Variants in AP1G1 observed in about 807,000 individuals in gnomAD.
The protein encoded by AP1G1 is AP-1 complex subunit gamma-1.
AP1G1 carries 7 observed loss-of-function variants against 108.3 expected under a neutral mutation model. That is an observed-to-expected ratio of 0.06 (90% CI 0.04 to 0.12). The LOEUF (loss-of-function observed/expected upper bound fraction) is 0.12, where lower values mean the gene tolerates loss of function less well. Among genes scored for constraint, AP1G1 ranks in the 10% least tolerant of loss-of-function variants. The pLI, the probability that AP1G1 is intolerant of heterozygous loss-of-function variation, is 1.00. For synonymous variants in AP1G1, 379 were observed against 353.5 expected (o/e 1.07, Z -0.81); for missense variants, 756 against 1,010.7 (o/e 0.75, Z 3.42).
chr16:71,748,793 C>T (rs543255570), intron 15 of AP1G1, among the ~76,000 whole-genome samples: 3 of 152,242 alleles, frequency 2.0e-5, no homozygotes, highest in Non-Finnish European at 2.9e-5. Flanking sequence ...GTTTACCAGC[C>T]AGAGGGTAAG....
At chr16:71,761,244 T>C (rs908371441) in intron 10 of AP1G1, among the ~76,000 whole-genome samples, 1 of 152,240 alleles carries the variant, frequency 6.6e-6, no homozygotes, top group East Asian at 1.9e-4. Flanking sequence ...AAAGACTCCA[T>C]GGCCCACAAA....
At chr16:71,773,145 C>G in intron 4 of AP1G1, 76 bp downstream of exon 4, 2 of 1,527,954 alleles carry the variant, frequency 1.3e-6, no homozygotes, top group Admixed American at 3.5e-5. Context: ...TCAGATCTTT[C>G]AAAAATGAGT....
intron 2 of AP1G1, among the ~76,000 whole-genome samples, chr16:71,781,055 C>A (rs1344023475): frequency 6.6e-6 from 1 of 152,120 alleles, no homozygotes; most frequent in Admixed American, 6.6e-5. Flanking sequence ...TGTCCTCAAA[C>A]GATCCTTCTG....
chr16:71,736,548 TTTA>T (rs1202802418), intron 21 of AP1G1, among the ~76,000 whole-genome samples: 13 of 125,368 alleles, frequency 1.0e-4, no homozygotes, highest in Admixed American at 8.4e-4. Context: ...GCCCGGCTAA[TTTA>T]TTATTTATTT....
intron 9 of AP1G1, among the ~76,000 whole-genome samples, chr16:71,763,560 A>C (rs902397628): frequency 3.3e-5 from 5 of 152,334 alleles, no homozygotes; most frequent in Middle Eastern, 6.8e-3. Flanking sequence ...ACTTATCTCT[A>C]TGCATGAATT....
rs113475700 is a variant in AP1G1, at chr16:71,767,081, C to A, written c.643-1497G>T. Among the ~76,000 whole-genome samples the A allele has an allele frequency of 3.5e-3, 526 of 152,122 alleles. 8 individuals are homozygous for A. The highest frequency in any genetic ancestry group is 0.012 in the African/African-American group (497 of 41,522). ...CTGTTTTTTTTGTACTAGATATAAC[C>A]CTAGTTATTTTTTATCTGGTTTATT... is the stretch of plus-strand genomic sequence containing the variant. On this transcript the variant is annotated intron_variant, in intron 6 of 22. Coordinates refer to ENST00000299980, the MANE Select transcript of AP1G1 (RefSeq NM_001128.6).
At chr16:71,748,212 C>T (rs780868740) in intron 16 of AP1G1, 39 bp downstream of exon 16, 7 of 1,579,170 alleles carry the variant, frequency 4.4e-6, no homozygotes, top group Non-Finnish European at 6.0e-6. Context: ...TTTTTAATTA[C>T]AAAACAACCT....
chr16:71,750,821 T>C (rs1165796587), intron 13 of AP1G1, among the ~76,000 whole-genome samples: 1 of 152,174 alleles, frequency 6.6e-6, no homozygotes, highest in Non-Finnish European at 1.5e-5. Context: ...CTTATTTAAA[T>C]ATGTTACATT....
chr16:71,736,119 T>A (rs796989779), intron 21 of AP1G1, among the ~76,000 whole-genome samples: 7,410 of 53,382 alleles, frequency 0.14, 597 homozygotes, highest in East Asian at 0.26. Context: ...AAAAAAAAAA[T>A]ATATATATAT....
At chr16:71,775,084 T>C (rs992657825) in intron 2 of AP1G1, among the ~76,000 whole-genome samples, 1 of 130,076 alleles carries the variant, frequency 7.7e-6, no homozygotes, top group Non-Finnish European at 1.6e-5. Flanking sequence ...TAGAGTGCAA[T>C]GGCGCGATCC....
intron 16 of AP1G1, chr16:71,747,060 A>G (rs1346362831): frequency 6.5e-6 from 1 of 154,620 alleles, no homozygotes; most frequent in Non-Finnish European, 1.4e-5. Flanking sequence ...GATAATTTTT[A>G]AATAATTTTT....
chr16:71,790,101 A>T (rs199942933), intron 1 of AP1G1, among the ~76,000 whole-genome samples: 5 of 2,928 alleles, frequency 1.7e-3, no homozygotes, highest in African/African-American at 2.3e-3. Context: ...TTTTAAAAGT[A>T]AAAAAAAAAA....
At chr16:71,785,181 AG>A (rs968679355) in intron 2 of AP1G1, among the ~76,000 whole-genome samples, 1 of 152,010 alleles carries the variant, frequency 6.6e-6, no homozygotes, top group Non-Finnish European at 1.5e-5. Context: ...TAAACTAAAA[AG>A]AAAAAAAAAG....
chr16:71,792,943 A>C (rs2032458626), intron 1 of AP1G1, among the ~76,000 whole-genome samples: 1 of 152,058 alleles, frequency 6.6e-6, no homozygotes, highest in Non-Finnish European at 1.5e-5. Flanking sequence ...AGACCCGAGC[A>C]GATCGCTTGA....
chr16:71,750,372 G>A, intron 13 of AP1G1, 40 bp from the exon 14 acceptor site: 1 of 1,608,762 alleles, frequency 6.2e-7, no homozygotes, highest in Non-Finnish European at 8.5e-7. Flanking sequence ...GAAACACACA[G>A]AAATGATGAT....
chr16:71,757,285 T>A (rs2030847160), intron 11 of AP1G1, among the ~76,000 whole-genome samples: 1 of 152,024 alleles, frequency 6.6e-6, no homozygotes, highest in Admixed American at 6.6e-5. Context: ...ACCCTGTCTC[T>A]ACTAAAAATA....
chr16:71,805,009 T>A (rs1217505781), intron 1 of AP1G1, among the ~76,000 whole-genome samples: 1 of 151,872 alleles, frequency 6.6e-6, no homozygotes, highest in Admixed American at 6.6e-5. Flanking sequence ...AGAACCTGTC[T>A]CAATCAATCA....
At chr16:71,783,818 C>CT (rs1249660909) in intron 2 of AP1G1, among the ~76,000 whole-genome samples, 1 of 152,068 alleles carries the variant, frequency 6.6e-6, no homozygotes, top group East Asian at 1.9e-4. Context: ...TATGGAAATT[C>CT]TTTTTTCTTT....
intron 1 of AP1G1, among the ~76,000 whole-genome samples, chr16:71,805,140 G>T (rs541977265): frequency 6.6e-6 from 1 of 152,074 alleles, no homozygotes; most frequent in South Asian, 2.1e-4. Context: ...AATAAAGAAA[G>T]CCAAAATCAA....
Sources: gnomAD v4.1 joint callset for allele counts (sites outside exome capture counted in the v4.1 genomes callset) on GRCh38, gnomAD v4.1.1 for gene constraint, MANE v1.5 for transcripts, NCBI Gene and HGNC (gene_info 2026-07-23, HGNC 2026-07-21) for gene names.